ITGB5: variants seen among roughly 807,000 people sequenced by gnomAD.
ITGB5 encodes integrin subunit beta 5.
A neutral mutation model predicts 84.8 loss-of-function variants in ITGB5; 38 were observed. The observed-to-expected ratio is 0.45, with a 90% CI of 0.35 to 0.59. ITGB5 has a LOEUF of 0.59. ITGB5 is among the 20% of genes least tolerant of loss of function. The probability of loss-of-function intolerance (pLI) is 0.01; values close to 1 mark genes in which losing one functional copy is unlikely to be tolerated. For synonymous variants in ITGB5, 393 were observed against 414.4 expected (o/e 0.95, Z 0.63); for missense variants, 905 against 1,034.5 (o/e 0.87, Z 1.72).
intron 5 of ITGB5, among the ~76,000 whole-genome samples, chr3:124,824,335 C>CA (rs1240669503): frequency 1.3e-5 from 2 of 151,568 alleles, no homozygotes; most frequent in South Asian, 2.1e-4. Flanking sequence ...TATTCATATG[C>CA]AAAAAAAATG....
At chr3:124,888,057 A>G (rs1376957517), upstream of ITGB5, among the ~76,000 whole-genome samples, 1 of 150,888 alleles carries the variant, frequency 6.6e-6, no homozygotes, top group African/African-American at 2.4e-5. Flanking sequence ...CTGGGACTAC[A>G]GGCGCGCGCC....
intron 3 of ITGB5, among the ~76,000 whole-genome samples, chr3:124,857,736 G>A (rs1359341030): frequency 6.6e-6 from 1 of 152,126 alleles, no homozygotes; most frequent in Non-Finnish European, 1.5e-5. Flanking sequence ...GATAAAAGTG[G>A]TGAACTAGAA....
intron 11 of ITGB5, among the ~76,000 whole-genome samples, chr3:124,772,144 G>GCTAT (rs1321693938): frequency 2.0e-5 from 3 of 152,204 alleles, no homozygotes; most frequent in African/African-American, 7.2e-5. Flanking sequence ...GATGGCCACA[G>GCTAT]CTATCTGGGC....
At chr3:124,886,900 T>C in intron 1 of ITGB5, 31 bp downstream of exon 1, 1 of 1,197,044 alleles carries the variant, frequency 8.4e-7, no homozygotes, top group Non-Finnish European at 1.0e-6. Flanking sequence ...GCGACAAAGT[T>C]TCTCTGGGCG....
intron 5 of ITGB5, among the ~76,000 whole-genome samples, chr3:124,828,062 T>C (rs764258708): frequency 2.6e-5 from 4 of 152,112 alleles, no homozygotes; most frequent in Non-Finnish European, 2.9e-5. Flanking sequence ...TTAAAAAGCT[T>C]TATTGTTCGC....
At chr3:124,861,687 G>A (rs952322555) in intron 2 of ITGB5, among the ~76,000 whole-genome samples, 27 of 151,466 alleles carry the variant, frequency 1.8e-4, no homozygotes, top group African/African-American at 4.1e-4. Context: ...TCAGCCTCCC[G>A]AGTAGCTGGG....
In ITGB5 at chr3:124,886,490, G is replaced by A. The variant is rs1934814473; in HGVS notation, c.70+441C>T. ...GAGGTGGCCCCGGGCTTTGGCTGGG[G>A]TTTCGAGACTCCCTTGCTTCTCCGG... On this transcript the variant is annotated intron_variant, in intron 1 of 14. Transcript: ENST00000296181. Among the ~76,000 whole-genome samples, 5 of 152,168 alleles carry A rather than the reference G, an allele frequency of 3.3e-5. No individual in the cohort carries two copies. The South Asian group carries it at 8.3e-4, about 25-fold the overall frequency.
At chr3:124,794,669 C>T (rs528831554) in intron 10 of ITGB5, among the ~76,000 whole-genome samples, 1 of 151,848 alleles carries the variant, frequency 6.6e-6, no homozygotes, top group African/African-American at 2.4e-5. Flanking sequence ...GTAATCCCAG[C>T]CAGTCAGGAG....
chr3:124,785,269 T>C (rs1204649356), intron 10 of ITGB5, among the ~76,000 whole-genome samples: 1 of 152,184 alleles, frequency 6.6e-6, no homozygotes, highest in Non-Finnish European at 1.5e-5. Flanking sequence ...GGGCGTTTTA[T>C]AAATTAGAAG....
chr3:124,820,015 G>C (rs1350191990), intron 6 of ITGB5, among the ~76,000 whole-genome samples, 181 bp from the exon 7 acceptor site: 1 of 152,164 alleles, frequency 6.6e-6, no homozygotes, highest in East Asian at 1.9e-4. Flanking sequence ...GAACTGAGTA[G>C]AGGAGACCCT....
At position 124,796,488 on chromosome 3, in the gene ITGB5, G is replaced by A; in HGVS notation, c.1593C>T (p.Asn531=). 6.2e-7 allele frequency: 1 copy of A among 1,614,074 alleles called. No individual in the cohort carries two copies. Among genetic ancestry groups the A allele is most frequent in the Non-Finnish European group, 8.5e-7 (1 of 1,179,996 alleles). ...LCSGRGDCSC[N]QCSCFESEFG... ...ACTCGCTCTCGAAGCAGGAGCACTGGTTGCAGCTGCAGTCCCCACGCCCGC... is the reference window on the plus strand; with the variant it reads ...ACTCGCTCTCGAAGCAGGAGCACTGATTGCAGCTGCAGTCCCCACGCCCGC... Residue 531 remains asparagine (N), a synonymous_variant, in exon 10 of 15, where the codon AAC becomes AAT. Transcript: ENST00000296181.
intron 13 of ITGB5, among the ~76,000 whole-genome samples, chr3:124,765,585 T>C (rs779741066): frequency 1.6e-4 from 24 of 152,256 alleles, no homozygotes; most frequent in Non-Finnish European, 3.1e-4. Flanking sequence ...CTTTCACGTC[T>C]GTGCTCCTCC....
Position 124,796,550 on chromosome 3 carries a change from T to G in ITGB5, c.1531A>C (p.Asn511His). The change falls in exon 10 of 15, where the codon AAC (asparagine) becomes CAC (histidine). Residue 511 changes from asparagine (N) to histidine (H), a missense_variant. Physicochemically the swap from Asn to His is moderately conservative, Grantham distance 68. Coordinates refer to ENST00000296181, the MANE Select transcript of ITGB5 (RefSeq NM_002213.5). The stretch of plus-strand genomic sequence containing the variant: ...TTGCCCTCTGCCTCCCGGCACAGGT[T>G]CTGGTACACGCTCTGGTTCTCCCCA... ...QDGENQSVYQ[N>H]LCREAEGKPL... is the part of the protein sequence containing the mutation. 6.2e-7 allele frequency: 1 copy of G among 1,614,122 alleles called. No individual in the cohort carries two copies. The highest frequency in any genetic ancestry group is 1.3e-5 in the African/African-American group (1 of 75,072).
At chr3:124,812,524 C>T (rs115009457) in intron 8 of ITGB5, among the ~76,000 whole-genome samples, 11 of 152,286 alleles carry the variant, frequency 7.2e-5, no homozygotes, top group Non-Finnish European at 1.5e-4. Flanking sequence ...TCATTCTGTT[C>T]GCTCCCACAC....
chr3:124,779,928 C>A (rs989357061), intron 10 of ITGB5, among the ~76,000 whole-genome samples: 3 of 152,142 alleles, frequency 2.0e-5, no homozygotes, highest in African/African-American at 7.2e-5. Flanking sequence ...CGAGGCCATG[C>A]CCAGTCGGAA....
intron 1 of ITGB5, among the ~76,000 whole-genome samples, chr3:124,886,626 C>A (rs1934821863): frequency 6.6e-6 from 1 of 152,056 alleles, no homozygotes; most frequent in South Asian, 2.1e-4. Context: ...GGGCTGGCGG[C>A]GGTCCTCCCC....
chr3:124,849,481 T>C (rs1260323499), intron 3 of ITGB5, among the ~76,000 whole-genome samples: 1 of 152,148 alleles, frequency 6.6e-6, no homozygotes, highest in Non-Finnish European at 1.5e-5. Context: ...ACCAGACTAG[T>C]ATTTATTTGG....
chr3:124,845,214 C>T (rs891295997), intron 4 of ITGB5, among the ~76,000 whole-genome samples: 61 of 152,324 alleles, frequency 4.0e-4, no homozygotes, highest in African/African-American at 1.4e-3. Flanking sequence ...GGGTGGATCA[C>T]CTGAGGTCAG....
chr3:124,848,842 C>T (rs776285768), intron 3 of ITGB5, among the ~76,000 whole-genome samples: 7 of 152,124 alleles, frequency 4.6e-5, no homozygotes, highest in South Asian at 2.1e-4. Flanking sequence ...TGCAGTGGTG[C>T]GATCTTGGCT....
Sources: allele counts gnomAD v4.1 joint callset (sites outside exome capture counted in the v4.1 genomes callset), GRCh38; gene constraint gnomAD v4.1.1; transcripts MANE v1.5; gene names NCBI Gene and HGNC (gene_info 2026-07-23, HGNC 2026-07-21).